ZBTB20: variants seen among roughly 807,000 people sequenced by gnomAD.
The protein encoded by ZBTB20 is zinc finger and BTB domain-containing protein 20.
ZBTB20 carries 9 observed loss-of-function variants against 56.9 expected under a neutral mutation model. The observed-to-expected ratio is 0.16, with a 90% CI of 0.10 to 0.28. The LOEUF is 0.28. Ranked by LOEUF, ZBTB20 falls within the 10% of genes least tolerant of loss-of-function variation. ZBTB20 has a pLI of 1.00. For synonymous variants in ZBTB20, 417 were observed against 420.7 expected (o/e 0.99, Z 0.11); for missense variants, 655 against 1,003.0 (o/e 0.65, Z 4.69).
In ZBTB20 at chr3:114,380,820, G is replaced by A; in HGVS notation, c.-33C>T. ...GAAGCTTAGAGACAGGACTCGTGGAGTAATGGGAGGAGCACTGGACTGGGA... is the reference window on the plus strand; with the variant it reads ...GAAGCTTAGAGACAGGACTCGTGGAATAATGGGAGGAGCACTGGACTGGGA... On this transcript the variant is annotated 5_prime_UTR_variant, in exon 9 of 12. Transcript: ENST00000675478. 1 of 1,495,570 alleles carries A rather than the reference G, an allele frequency of 6.7e-7. No individual in the cohort carries two copies. Among genetic ancestry groups the A allele is most frequent in the Non-Finnish European group, 8.8e-7 (1 of 1,131,186 alleles). The allele number at this position is 1,495,570 out of a possible 1,614,324, so 92.6% of individuals were successfully genotyped here. A position where few individuals can be genotyped will look rare whatever the true frequency, so the allele number is the denominator to read the frequency against.
At chr3:114,514,725 CAAAG>C (rs2045790513) in intron 6 of ZBTB20, among the ~76,000 whole-genome samples, 1 of 152,006 alleles carries the variant, frequency 6.6e-6, no homozygotes, top group African/African-American at 2.4e-5. Context: ...AAAGAGAAAA[CAAAG>C]AAAGGGAGAG....
At chr3:114,378,665 T>C (rs1480173916) in intron 10 of ZBTB20, among the ~76,000 whole-genome samples, 1 of 152,232 alleles carries the variant, frequency 6.6e-6, no homozygotes, top group African/African-American at 2.4e-5. Context: ...AGCTGGGTAA[T>C]GAAGACCTGC....
intron 5 of ZBTB20, among the ~76,000 whole-genome samples, chr3:114,800,474 C>T (rs1240939423): frequency 6.6e-6 from 1 of 151,786 alleles, no homozygotes; most frequent in East Asian, 1.9e-4. Flanking sequence ...AACAATGGGG[C>T]TCTGAGAGAC....
rs2080703260 is a variant in ZBTB20 at position 114,351,894 on chromosome 3, G to A, written c.200-16C>T. 1.9e-6 allele frequency: 3 copies of A among 1,574,606 alleles called. No individual in the cohort carries two copies. Among genetic ancestry groups the A allele is most frequent in the African/African-American group, 1.3e-5 (1 of 74,472 alleles). On this transcript the variant is annotated splice_polypyrimidine_tract_variant and intron_variant, in intron 10 of 11. Coordinates refer to ENST00000675478, the MANE Select transcript of ZBTB20 (RefSeq NM_001348800.3). ...CTGATGTCACCTGCAGCATGTCAAC[G>A]CAGACACAAAACAGGGCATGGGTCA...
chr3:114,658,396 A>C (rs2060530682), intron 6 of ZBTB20: 1 of 152,218 alleles, frequency 6.6e-6, no homozygotes, highest in East Asian at 1.9e-4. Flanking sequence ...ACAATTTTTA[A>C]AAATAGTATT....
At chr3:114,430,382 G>A (rs1016250116) in intron 7 of ZBTB20, among the ~76,000 whole-genome samples, 33 of 152,134 alleles carry the variant, frequency 2.2e-4, no homozygotes, top group African/African-American at 8.0e-4. Flanking sequence ...GTAATTTATG[G>A]CACTCATATT....
At chr3:114,783,014 T>G (rs965238075) in intron 5 of ZBTB20, among the ~76,000 whole-genome samples, 1 of 152,204 alleles carries the variant, frequency 6.6e-6, no homozygotes, top group African/African-American at 2.4e-5. Flanking sequence ...GAATATTCAT[T>G]CATCCATTCA....
intron 4 of ZBTB20, among the ~76,000 whole-genome samples, chr3:114,877,102 T>C (rs1353514430): frequency 6.6e-6 from 1 of 152,210 alleles, no homozygotes; most frequent in Non-Finnish European, 1.5e-5. Context: ...TCACTAGGCA[T>C]TTACTATATA....
chr3:114,482,904 T>C (rs1018027367), intron 7 of ZBTB20, among the ~76,000 whole-genome samples: 1 of 152,208 alleles, frequency 6.6e-6, no homozygotes, highest in Non-Finnish European at 1.5e-5. Flanking sequence ...TAATTATTTA[T>C]TCATTCTCCA....
intron 4 of ZBTB20, among the ~76,000 whole-genome samples, chr3:114,867,825 G>C (rs1414559617): frequency 6.6e-6 from 1 of 152,172 alleles, no homozygotes; most frequent in East Asian, 1.9e-4. Flanking sequence ...GGTCCCTGAA[G>C]TTTTCAGGTC....
At chr3:115,043,982 G>A (rs571951850) in intron 2 of ZBTB20, among the ~76,000 whole-genome samples, 1 of 152,090 alleles carries the variant, frequency 6.6e-6, no homozygotes, top group Non-Finnish European at 1.5e-5. Context: ...TTAAATGCAT[G>A]TGGCACCTCC....
intron 7 of ZBTB20, among the ~76,000 whole-genome samples, chr3:114,488,141 T>C (rs767161225): frequency 1.3e-5 from 2 of 152,248 alleles, no homozygotes; most frequent in Non-Finnish European, 2.9e-5. Flanking sequence ...AACCCAGAAA[T>C]GTCATAGGTC....
rs193145506 is a variant in ZBTB20 at position 114,994,521 on chromosome 3, G to A, written c.-506-20105C>T. Among the ~76,000 whole-genome samples, 555 of 151,986 alleles carry A rather than the reference G, an allele frequency of 3.7e-3. 6 individuals carry two copies. The highest frequency in any genetic ancestry group is 0.013 in the African/African-American group (538 of 41,504). ...AGTATGTAACAGATCCATTAATTTA[G>A]TACTTAGGTCTAAACAATTAAATAA... On this transcript the variant is annotated intron_variant, in intron 2 of 11. Transcript: ENST00000675478.
chr3:115,097,521 C>T (rs1046880275), intron 1 of ZBTB20, among the ~76,000 whole-genome samples: 1 of 152,098 alleles, frequency 6.6e-6, no homozygotes, highest in Non-Finnish European at 1.5e-5. Context: ...TCAGCACACA[C>T]ACGTTAAAAA....
At chr3:115,007,335 T>C (rs895591858) in intron 2 of ZBTB20, among the ~76,000 whole-genome samples, 1 of 151,596 alleles carries the variant, frequency 6.6e-6, no homozygotes, top group Non-Finnish European at 1.5e-5. Flanking sequence ...GGAAATACCA[T>C]TTTCTGAAAT....
chr3:114,369,526 T>A (rs571941320), intron 10 of ZBTB20, among the ~76,000 whole-genome samples: 1 of 152,338 alleles, frequency 6.6e-6, no homozygotes, highest in Admixed American at 6.5e-5. Flanking sequence ...AATTTAATAG[T>A]AGAACAAAGT....
At chr3:115,064,440 A>ATCCT (rs2082128879) in intron 2 of ZBTB20, among the ~76,000 whole-genome samples, 1 of 132,222 alleles carries the variant, frequency 7.6e-6, no homozygotes. Flanking sequence ...TTCTCTCATA[A>ATCCT]TTCTTTTTTT....
At chr3:114,890,576 G>A (rs2076769303) in intron 4 of ZBTB20, among the ~76,000 whole-genome samples, 1 of 152,072 alleles carries the variant, frequency 6.6e-6, no homozygotes, top group Non-Finnish European at 1.5e-5. Context: ...ACAGGGTGGG[G>A]AACATCACAC....
intron 5 of ZBTB20, among the ~76,000 whole-genome samples, chr3:114,770,469 T>C (rs2108740102): frequency 6.6e-6 from 1 of 151,546 alleles, no homozygotes; most frequent in Middle Eastern, 3.4e-3. Context: ...AAAAGGAACT[T>C]ATTCATGTAA....
Sources: allele counts gnomAD v4.1 joint callset (sites outside exome capture counted in the v4.1 genomes callset), GRCh38; gene constraint gnomAD v4.1.1; transcripts MANE v1.5; gene names NCBI Gene and HGNC (gene_info 2026-07-23, HGNC 2026-07-21).